The following TRPA1 variants were observed in gnomAD, a reference collection of about 807,000 sequenced individuals.
The protein encoded by TRPA1 is transient receptor potential cation channel subfamily A member 1, also known as ankyrin-like with transmembrane domains 1.
TRPA1 carries 129 observed loss-of-function variants against 131.3 expected under a neutral mutation model. That is an observed-to-expected ratio of 0.98 (90% CI 0.85 to 1.14). The LOEUF (loss-of-function observed/expected upper bound fraction) is 1.14, where lower values mean the gene tolerates loss of function less well. Ranked by LOEUF, TRPA1 falls within the 50% of genes most tolerant of loss-of-function variation. The probability of loss-of-function intolerance (pLI) is 0.00; values close to 1 mark genes in which losing one functional copy is unlikely to be tolerated. For synonymous variants in TRPA1, 441 were observed against 451.7 expected (o/e 0.98, Z 0.30); for missense variants, 1,304 against 1,354.2 (o/e 0.96, Z 0.58).
rs200502979 is a variant in TRPA1 at position 72,059,436 on chromosome 8, G to A, written c.947C>T (p.Ala316Val). The change falls in exon 8 of 27, where the codon GCT (alanine) becomes GTT (valine). Residue 316 changes from alanine (A) to valine (V), a missense_variant and splice_region_variant. Ala to Val is a moderately conservative substitution (Grantham distance 64, BLOSUM62 0). Coordinates refer to ENST00000262209, the MANE Select transcript of TRPA1 (RefSeq NM_007332.3). ...DGCHETMLHR[A>V]SLFDHHELAD... ...TAGCTCATGGTGATCAAACAATGAA[G>A]CTCTGAAAAAACAGAATTATAAACA... 6.1e-5 allele frequency: 96 copies of A among 1,576,792 alleles called. No homozygotes were observed. The highest frequency in any genetic ancestry group is 1.5e-5 in the Non-Finnish European group (17 of 1,153,184).
chr8:72,036,349 A>G lies in TRPA1; in HGVS notation c.2494T>C (p.Trp832Arg). 6.2e-7 allele frequency: 1 copy of G among 1,614,196 alleles called. No individual in the cohort carries two copies. Among genetic ancestry groups the G allele is most frequent in the Non-Finnish European group, 8.5e-7 (1 of 1,180,000 alleles). ...TAAACAGCAATTGCTCCACATTGCC[A>G]CTGCAGATGAGCTGGTATTTCAACA... is the stretch of plus-strand genomic sequence containing the variant. ...LFVEIPAHLQ[W>R]QCGAIAVYFY... Residue 832 changes from tryptophan (W) to arginine (R), a missense_variant, in exon 21 of 27, where the codon TGG becomes CGG. By Grantham distance (101) the Trp-to-Arg change is moderately radical. Coordinates refer to ENST00000262209, the MANE Select transcript of TRPA1 (RefSeq NM_007332.3).
the TRPA1 span, among the ~76,000 whole-genome samples, chr8:72,085,270 T>C: frequency 6.6e-6 from 1 of 152,164 alleles, no homozygotes; most frequent in Non-Finnish European, 1.5e-5. Flanking sequence ...TTTATATAAA[T>C]TCATTAGCTA....
At chr8:72,065,333 T>C in intron 4 of TRPA1, 118 bp downstream of exon 4, 1 of 973,420 alleles carries the variant, frequency 1.0e-6, no homozygotes, top group South Asian at 1.6e-5. Context: ...CCTGACCTAG[T>C]TTTTGTATTT....
Position 72,062,947 on chromosome 8 carries a change from T to G in TRPA1, c.662-3A>C. ...TCTACTGTACCCATGCTCTTCACCT[T>G]GAGAAGAAAATAACATTCAACATAA... On this transcript the variant is annotated splice_region_variant and splice_polypyrimidine_tract_variant and intron_variant, in intron 5 of 26. Coordinates refer to ENST00000262209, the MANE Select transcript of TRPA1 (RefSeq NM_007332.3). 6.2e-7 allele frequency: 1 copy of G among 1,613,210 alleles called. No homozygotes were observed. Among genetic ancestry groups the G allele is most frequent in the Non-Finnish European group, 8.5e-7 (1 of 1,179,492 alleles).
At chr8:72,070,634 C>T (rs1274070657) in intron 2 of TRPA1, among the ~76,000 whole-genome samples, 1 of 152,178 alleles carries the variant, frequency 6.6e-6, no homozygotes, top group Non-Finnish European at 1.5e-5. Context: ...CGTAACTTCA[C>T]CCATGGCATG....
At chr8:72,045,418 C>G (rs939315954) in intron 17 of TRPA1, among the ~76,000 whole-genome samples, 1 of 151,502 alleles carries the variant, frequency 6.6e-6, no homozygotes, top group Non-Finnish European at 1.5e-5. Context: ...TGTTTTCTAC[C>G]TGTGCAGTGC....
intron 21 of TRPA1, among the ~76,000 whole-genome samples, chr8:72,035,834 G>C (rs1342621585): frequency 6.6e-6 from 1 of 151,936 alleles, no homozygotes; most frequent in African/African-American, 2.4e-5. Flanking sequence ...GTCTAGACCA[G>C]TGTTCTTGAC....
chr8:72,065,355 A>G, intron 4 of TRPA1, 96 bp downstream of exon 4: 1 of 1,149,516 alleles, frequency 8.7e-7, no homozygotes, highest in Non-Finnish European at 1.2e-6. Flanking sequence ...ATATTTTTCT[A>G]AGGAGAAAAA....
chr8:72,044,236 T>G (rs970831609), intron 17 of TRPA1, among the ~76,000 whole-genome samples: 10 of 151,358 alleles, frequency 6.6e-5, no homozygotes, highest in African/African-American at 2.4e-4. Flanking sequence ...AAGATCTAGC[T>G]ATTGTTTTTG....
chr8:72,061,266 A>G (rs1009827882), intron 7 of TRPA1, among the ~76,000 whole-genome samples: 1 of 152,116 alleles, frequency 6.6e-6, no homozygotes, highest in Non-Finnish European at 1.5e-5. Context: ...CTCCATTTTT[A>G]TCACTAAAAA....
intron 24 of TRPA1, among the ~76,000 whole-genome samples, chr8:72,028,449 C>G (rs762064480): frequency 7.9e-5 from 12 of 152,186 alleles, no homozygotes; most frequent in Non-Finnish European, 1.3e-4. Flanking sequence ...CCTCCTTTCA[C>G]GACGGTATCG....
rs971027742 is a variant in TRPA1 at position 72,050,644 on chromosome 8, T to C, written c.1905+134A>G. On this transcript the variant is annotated intron_variant, in intron 15 of 26. Transcript: ENST00000262209. ...CAAGAAGGCCTTCCTTAAATAGTTA[T>C]TGTCTCATTTCCCTTACAGCCTATG... 29 of 660,774 alleles carry C rather than the reference T, an allele frequency of 4.4e-5. No homozygotes were observed. The Admixed American group carries it at 5.9e-4, about 14-fold the overall frequency. The allele number at this position is 660,774 out of a possible 1,614,324, so 40.9% of individuals were successfully genotyped here. A position where few individuals can be genotyped will look rare whatever the true frequency, so the allele number is the denominator to read the frequency against.
chr8:72,061,266 A>T (rs1009827882), intron 7 of TRPA1, among the ~76,000 whole-genome samples: 8 of 152,234 alleles, frequency 5.3e-5, no homozygotes, highest in African/African-American at 1.9e-4. Context: ...CTCCATTTTT[A>T]TCACTAAAAA....
intron 23 of TRPA1, among the ~76,000 whole-genome samples, chr8:72,031,896 A>G (rs912051436): frequency 1.3e-5 from 2 of 152,214 alleles, no homozygotes; most frequent in Admixed American, 6.5e-5. Flanking sequence ...ATGGTAACAC[A>G]AGGAAAGAAC....
intron 21 of TRPA1, among the ~76,000 whole-genome samples, chr8:72,035,345 A>G (rs979473504): frequency 6.6e-6 from 1 of 152,026 alleles, no homozygotes; most frequent in Non-Finnish European, 1.5e-5. Context: ...TGCCTTTCTC[A>G]CCATACCACG....
At chr8:72,043,359 C>G (rs1460879792) in intron 17 of TRPA1, among the ~76,000 whole-genome samples, 1 of 151,666 alleles carries the variant, frequency 6.6e-6, no homozygotes, top group African/African-American at 2.4e-5. Flanking sequence ...TCAACACAGC[C>G]TAGAAACATA....
rs766298427 is a variant in TRPA1 at position 72,057,778 on chromosome 8, A to G, written c.1032T>C (p.Ser344=). The G allele has an allele frequency of 1.2e-6, 2 of 1,613,948 alleles. No individual in the cohort carries two copies. The highest frequency in any genetic ancestry group is 1.7e-6 in the Non-Finnish European group (2 of 1,179,902). Reference sequence around the variant, plus strand: ...CAGAAGCAGTTGCTAATATAAGTGGAGAGCGTCCTTCAGAATCGATCTTAT... The same window carrying G: ...CAGAAGCAGTTGCTAATATAAGTGGGGAGCGTCCTTCAGAATCGATCTTAT... The part of the protein sequence containing the change: ...DINKIDSEGR[S]PLILATASAS... Residue 344 remains serine (S), a synonymous_variant, in exon 9 of 27, where the codon TCT becomes TCC. Transcript: ENST00000262209.
chr8:72,061,561 C>A, intron 7 of TRPA1, 64 bp downstream of exon 7: 1 of 1,597,068 alleles, frequency 6.3e-7, no homozygotes, highest in South Asian at 1.1e-5. Context: ...CTGCTCCTTG[C>A]AATGTCTAAT....
Position 72,022,958 on chromosome 8 carries a change from C to T in TRPA1, c.3308G>A (p.Trp1103Ter). The T allele has an allele frequency of 1.2e-6, 2 of 1,613,838 alleles. No individual in the cohort carries two copies. The highest frequency in any genetic ancestry group is 1.7e-6 in the Non-Finnish European group (2 of 1,179,842). ...KEQMEQRNSR[W>*]NTVLRAVKAK... is the part of the protein sequence containing the mutation. ...CTTGACTGCTCTCAACACAGTATTC[C>T]ATCTGCTATTCCTTTGTTCCATCTG... Residue 1103 changes from tryptophan to a stop codon, truncating the protein, a stop_gained, in exon 27 of 27, where the codon TGG becomes TAG. Transcript: ENST00000262209. LOFTEE classifies it high-confidence loss of function.
Sources: gnomAD v4.1 joint callset for allele counts (sites outside exome capture counted in the v4.1 genomes callset) on GRCh38, gnomAD v4.1.1 for gene constraint, MANE v1.5 for transcripts, NCBI Gene and HGNC (gene_info 2026-07-23, HGNC 2026-07-21) for gene names.